TTBK2: variants seen among roughly 807,000 people sequenced by gnomAD.
TTBK2 encodes the protein tau tubulin kinase 2, also known as tau-tubulin kinase 2.
A neutral mutation model predicts 110.8 loss-of-function variants in TTBK2; 28 were observed. The ratio of observed to expected loss-of-function variants is 0.25; its 90% CI spans 0.19 to 0.35. The LOEUF (loss-of-function observed/expected upper bound fraction) is 0.35. TTBK2 is among the 10% of genes least tolerant of loss of function. TTBK2 has a pLI of 1.00. For missense variants in TTBK2, 1,369 were observed against 1,500.3 expected, an observed-to-expected ratio of 0.91 and a Z score of 1.45; for synonymous variants, 532 against 527.3, an observed-to-expected ratio of 1.01 and a Z score of -0.12.
intron 6 of TTBK2, among the ~76,000 whole-genome samples, chr15:42,827,168 C>A (rs1179473503): frequency 3.9e-5 from 6 of 152,120 alleles, no homozygotes; most frequent in Non-Finnish European, 8.8e-5. Flanking sequence ...TGGTCATACC[C>A]AAAGACGCAC....
At chr15:42,794,904 A>G (rs753901854) in intron 9 of TTBK2, 103 bp from the exon 10 acceptor site, 3 of 1,497,540 alleles carry the variant, frequency 2.0e-6, no homozygotes, top group Non-Finnish European at 2.8e-6. Context: ...TTGTAATGTG[A>G]TTTTCTTTAA....
chr15:42,810,737 C>G lies in TTBK2; in HGVS notation c.699G>C (p.Glu233Asp). ...QLPWRKIKDK[E>D]QVGSIKERYD... ...ATCTCTCCTTAATAGAGCCTACTTG[C>G]TCCTGGGAAGTAAAGAGAAAAAGAG... The change falls in exon 9 of 15, where the codon GAG (glutamate) becomes GAC (aspartate). Residue 233 changes from glutamate (E) to aspartate (D), a missense_variant and splice_region_variant. By Grantham distance (45) the Glu-to-Asp change is conservative (BLOSUM62 2). Around this residue, in one of 4 missense-constraint regions of TTBK2, gnomAD observed 138 missense variants for 179.0 expected, o/e 0.77. Transcript: ENST00000267890. 1 of 1,613,434 alleles carries G rather than the reference C, an allele frequency of 6.2e-7. No individual in the cohort carries two copies. The highest frequency in any genetic ancestry group is 8.5e-7 in the Non-Finnish European group (1 of 1,179,806).
chr15:42,788,156 G>A (rs2140835621), intron 10 of TTBK2, among the ~76,000 whole-genome samples: 1 of 152,280 alleles, frequency 6.6e-6, no homozygotes, highest in East Asian at 1.9e-4. Flanking sequence ...TCATTACACG[G>A]CACATGACTG....
intron 9 of TTBK2, chr15:42,801,753 C>A: frequency 1.2e-6 from 1 of 824,678 alleles, no homozygotes; most frequent in South Asian, 1.3e-5. Context: ...GGAAGCTGAT[C>A]TTGGCAGTCA....
At position 42,757,942 on chromosome 15, in the gene TTBK2, C is replaced by A. The variant is rs563649946; in HGVS notation, c.1999-4695G>T. ...AGTACTGTTTGACCAAAATTAGTGT[C>A]TTATTTAATAGTTCAGGTAAAGCAG... On this transcript the variant is annotated intron_variant, in intron 13 of 14. Transcript: ENST00000267890. Among the ~76,000 whole-genome samples the A allele has an allele frequency of 3.1e-3, 478 of 152,204 alleles. 1 individual carries two copies. Among genetic ancestry groups the A allele is most frequent in the Non-Finnish European group, 4.9e-3 (336 of 67,982 alleles).
intron 1 of TTBK2, among the ~76,000 whole-genome samples, chr15:42,879,527 G>A (rs1241567430): frequency 6.6e-6 from 1 of 151,954 alleles, no homozygotes; most frequent in Non-Finnish European, 1.5e-5. Flanking sequence ...TCGGTCCCTA[G>A]GCCACATACT....
At chr15:42,819,350 A>C (rs977630667) in intron 6 of TTBK2, among the ~76,000 whole-genome samples, 3 of 145,008 alleles carry the variant, frequency 2.1e-5, no homozygotes, top group Admixed American at 2.0e-4. Flanking sequence ...CTCTGTCTCA[A>C]AAAAAAAAAA....
chr15:42,799,299 C>T (rs976457686), intron 9 of TTBK2, among the ~76,000 whole-genome samples: 11 of 152,010 alleles, frequency 7.2e-5, no homozygotes, highest in African/African-American at 1.9e-4. Flanking sequence ...GAACCTGGGA[C>T]GCGGAGCTTG....
At chr15:42,886,281 C>T (rs1186384950) in intron 1 of TTBK2, among the ~76,000 whole-genome samples, 1 of 152,168 alleles carries the variant, frequency 6.6e-6, no homozygotes, top group Non-Finnish European at 1.5e-5. Context: ...CTCCCCTCCC[C>T]ACACCCAGTC....
At chr15:42,847,248 T>G (rs536748857) in intron 3 of TTBK2, among the ~76,000 whole-genome samples, 22 of 152,200 alleles carry the variant, frequency 1.4e-4, no homozygotes, top group Non-Finnish European at 2.8e-4. Flanking sequence ...TTGAAGTACC[T>G]GTAAAAGCTT....
At chr15:42,827,234 G>A (rs941308848) in intron 6 of TTBK2, among the ~76,000 whole-genome samples, 2 of 152,162 alleles carry the variant, frequency 1.3e-5, no homozygotes, top group African/African-American at 4.8e-5. Flanking sequence ...GGCAGGGAGG[G>A]AGGAAGAACG....
At chr15:42,802,534 T>A (rs929733256) in intron 9 of TTBK2, 15 of 449,458 alleles carry the variant, frequency 3.3e-5, no homozygotes, top group Non-Finnish European at 5.3e-5. Context: ...AAGAAAAAAA[T>A]TTAACTGCAC....
Position 42,744,115 on chromosome 15 carries a change from T to C in TTBK2, c.*1680A>G, listed in dbSNP as rs989928342. 1 of 152,212 alleles carries C rather than the reference T, an allele frequency of 6.6e-6. No individual in the cohort carries two copies. Among genetic ancestry groups the C allele is most frequent in the African/African-American group, 2.4e-5 (1 of 41,460 alleles). 9.4% of individuals were successfully genotyped at this position (152,212 alleles called of 1,614,324 possible). ...TTAGATAAACAGCAAGTATGTCTTA[T>C]CTATTGCATTCCTCTGGAGTGTTTG... On this transcript the variant is annotated 3_prime_UTR_variant, in exon 15 of 15. Coordinates refer to ENST00000267890, the MANE Select transcript of TTBK2 (RefSeq NM_173500.4).
In TTBK2 at chr15:42,752,141, T is replaced by C; in HGVS notation, c.3105A>G (p.Ser1035=). ...TGGGTGACAGAAAGCTATCTTCAGC[T>C]GACCTACTCAGGTGAGAATCTACTG... The part of the protein sequence containing the change: ...RLTVDSHLSR[S]AEDSFLSPII... The change falls in exon 14 of 15, where the codon TCA becomes TCG. Residue 1035 remains serine (S), a synonymous_variant. Transcript: ENST00000267890. The C allele has an allele frequency of 6.2e-7, 1 of 1,614,218 alleles. No homozygotes were observed. Among genetic ancestry groups the C allele is most frequent in the South Asian group, 1.1e-5 (1 of 91,084 alleles).
At position 42,745,385 on chromosome 15, in the gene TTBK2, G is replaced by A. The variant is rs1205626814; in HGVS notation, c.*410C>T. 1 of 252,920 alleles carries A rather than the reference G, an allele frequency of 4.0e-6. No individual in the cohort carries two copies. Among genetic ancestry groups the A allele is most frequent in the African/African-American group, 2.3e-5 (1 of 44,142 alleles). The allele number at this position is 252,920 out of a possible 1,614,324, so 15.7% of individuals were successfully genotyped here. ...ATCAATGACTCTTCAGGGTGGGAAA[G>A]TTTTGAATGAAAATATCAAACAAGA... On this transcript the variant is annotated 3_prime_UTR_variant, in exon 15 of 15. Coordinates refer to ENST00000267890, the MANE Select transcript of TTBK2 (RefSeq NM_173500.4).
chr15:42,911,124 G>A (rs1388698189), intron 1 of TTBK2, among the ~76,000 whole-genome samples: 1 of 151,542 alleles, frequency 6.6e-6, no homozygotes, highest in African/African-American at 2.4e-5. Flanking sequence ...ACAAAAAATT[G>A]AACGGGGAGG....
intron 11 of TTBK2, among the ~76,000 whole-genome samples, chr15:42,779,328 T>C (rs1890078494): frequency 6.7e-6 from 1 of 150,216 alleles, no homozygotes; most frequent in Non-Finnish European, 1.5e-5. Flanking sequence ...AGAATCGCTT[T>C]AACCCAAGAG....
At chr15:42,828,304 G>C (rs190490391) in intron 5 of TTBK2, among the ~76,000 whole-genome samples, 1 of 150,384 alleles carries the variant, frequency 6.6e-6, no homozygotes, top group Non-Finnish European at 1.5e-5. Flanking sequence ...GGAACTCTAA[G>C]TTCTTGAAAT....
intron 1 of TTBK2, among the ~76,000 whole-genome samples, chr15:42,913,874 A>G (rs1476450735): frequency 6.6e-6 from 1 of 152,172 alleles, no homozygotes; most frequent in African/African-American, 2.4e-5. Flanking sequence ...AACCAAATCA[A>G]CCGAGCAAAG....
Sources: gnomAD v4.1 joint callset for allele counts (sites outside exome capture counted in the v4.1 genomes callset) on GRCh38, gnomAD v4.1.1 for gene constraint, gnomAD v4.1.1 regional missense constraint, MANE v1.5 for transcripts, NCBI Gene and HGNC (gene_info 2026-07-23, HGNC 2026-07-21) for gene names.